Variants in EPHA3 observed in about 807,000 individuals in gnomAD.
EPHA3 encodes the protein EPH receptor A3, also known as ephrin type-A receptor 3.
Under a neutral mutation model 107.1 loss-of-function variants are expected in EPHA3, and 42 were observed. That is an observed-to-expected ratio of 0.39 (90% CI 0.31 to 0.51). EPHA3 has a LOEUF of 0.51. EPHA3 is among the 20% of genes least tolerant of loss of function. The pLI, the probability that EPHA3 is intolerant of heterozygous loss-of-function variation, is 0.78. For missense variants in EPHA3, 1,183 were observed against 1,211.2 expected, an observed-to-expected ratio of 0.98 and a Z score of 0.35; for synonymous variants, 461 against 424.8, an observed-to-expected ratio of 1.09 and a Z score of -1.05.
intron 1 of EPHA3, among the ~76,000 whole-genome samples, chr3:89,109,449 C>T (rs1707048924): frequency 6.6e-6 from 1 of 151,668 alleles, no homozygotes; most frequent in South Asian, 2.1e-4. Flanking sequence ...ATTAAAATTC[C>T]CACATTGTCA....
intron 3 of EPHA3, among the ~76,000 whole-genome samples, chr3:89,310,485 A>G (rs1330718528): frequency 2.0e-5 from 3 of 152,042 alleles, no homozygotes; most frequent in African/African-American, 2.4e-5. Context: ...TCTAATTTAA[A>G]TTATGTTAAC....
At chr3:89,173,554 T>C (rs1449779194) in intron 2 of EPHA3, among the ~76,000 whole-genome samples, 1 of 152,084 alleles carries the variant, frequency 6.6e-6, no homozygotes, top group Non-Finnish European at 1.5e-5. Flanking sequence ...ACAATGTGTA[T>C]ACTTATTATT....
chr3:89,468,474 T>G (rs995249432), intron 15 of EPHA3, among the ~76,000 whole-genome samples: 3 of 152,152 alleles, frequency 2.0e-5, no homozygotes, highest in Non-Finnish European at 4.4e-5. Flanking sequence ...GCACACTTCA[T>G]AAATATTCTG....
At chr3:89,405,265 G>T (rs1709034795) in intron 7 of EPHA3, among the ~76,000 whole-genome samples, 1 of 152,136 alleles carries the variant, frequency 6.6e-6, no homozygotes, top group Admixed American at 6.5e-5. Flanking sequence ...CCCATTTGAG[G>T]AGTGTTGCAT....
rs747296143 is a variant in EPHA3, at chr3:89,209,952, G to A, written c.246G>A (p.Leu82=). ...NVMDHSQNNW[L]RTNWVPRNSA... ...TGGACCACAGTCAAAACAATTGGCT[G>A]AGAACAAACTGGGTCCCCAGGAACT... is the stretch of plus-strand genomic sequence containing the variant. Residue 82 remains leucine (L), a synonymous_variant, in exon 3 of 17, where the codon CTG becomes CTA. Coordinates refer to ENST00000336596, the MANE Select transcript of EPHA3 (RefSeq NM_005233.6). The A allele has an allele frequency of 3.1e-6, 5 of 1,613,910 alleles. No individual in the cohort carries two copies. The South Asian group carries it at 4.4e-5, about 14-fold the overall frequency.
intron 15 of EPHA3, among the ~76,000 whole-genome samples, chr3:89,467,797 A>T (rs1311776362): frequency 6.6e-6 from 1 of 152,234 alleles, no homozygotes; most frequent in African/African-American, 2.4e-5. Flanking sequence ...CTGAGCAAAT[A>T]TGTAATTTCC....
intron 2 of EPHA3, among the ~76,000 whole-genome samples, chr3:89,187,828 C>T (rs1043144631): frequency 6.6e-6 from 1 of 152,032 alleles, no homozygotes; most frequent in South Asian, 2.1e-4. Context: ...TCAGAGGCTG[C>T]GCTGGGCTTG....
chr3:89,479,315 C>T (rs1710580302), intron 16 of EPHA3, 82 bp from the exon 17 acceptor site: 4 of 1,070,448 alleles, frequency 3.7e-6, no homozygotes, highest in Admixed American at 3.8e-5. Flanking sequence ...AATATAACAT[C>T]GTGCAAATTG....
At chr3:89,371,365 C>T (rs960556056) in intron 5 of EPHA3, among the ~76,000 whole-genome samples, 5 of 151,612 alleles carry the variant, frequency 3.3e-5, no homozygotes, top group Non-Finnish European at 5.9e-5. Context: ...AATGAACATG[C>T]CCTTAACTAT....
chr3:89,328,314 A>C (rs1475967006), intron 3 of EPHA3, among the ~76,000 whole-genome samples: 5 of 152,106 alleles, frequency 3.3e-5, no homozygotes, highest in African/African-American at 1.2e-4. Context: ...CCACAAAATA[A>C]TTCAGCCCAC....
intron 5 of EPHA3, among the ~76,000 whole-genome samples, chr3:89,353,796 T>C (rs1707885453): frequency 6.6e-6 from 1 of 151,276 alleles, no homozygotes; most frequent in African/African-American, 2.4e-5. Context: ...TATATGAGCT[T>C]AGAGGCCATA....
intron 5 of EPHA3, among the ~76,000 whole-genome samples, chr3:89,358,587 A>G (rs1169234168): frequency 6.6e-6 from 1 of 151,218 alleles, no homozygotes; most frequent in Non-Finnish European, 1.5e-5. Flanking sequence ...TGGTTTGGCC[A>G]AGAAAAGACA....
At chr3:89,302,966 C>G (rs1706526124) in intron 3 of EPHA3, among the ~76,000 whole-genome samples, 1 of 152,070 alleles carries the variant, frequency 6.6e-6, no homozygotes, top group Non-Finnish European at 1.5e-5. Context: ...AATCAGGGCT[C>G]ACAGCAACCT....
intron 3 of EPHA3, among the ~76,000 whole-genome samples, chr3:89,307,062 GTTA>G (rs1706641358): frequency 6.6e-6 from 1 of 152,110 alleles, no homozygotes; most frequent in South Asian, 2.1e-4. Flanking sequence ...AATGATATAA[GTTA>G]TTACTTTTTG....
rs1708868459 is a variant in EPHA3, at chr3:89,397,267, T to A, written c.1431+1306T>A. Among the ~76,000 whole-genome samples, 3 of 152,174 alleles carry A rather than the reference T, an allele frequency of 2.0e-5. No individual in the cohort carries two copies. In the South Asian group the frequency reaches 6.2e-4, roughly 31 times the overall value. ...TTCAAAAATTGTAGTAGAAATAAAT[T>A]TTCTCCTAGCTTTGAGTCCTCTACT... On this transcript the variant is annotated intron_variant, in intron 6 of 16. Coordinates refer to ENST00000336596, the MANE Select transcript of EPHA3 (RefSeq NM_005233.6).
At chr3:89,302,331 C>G (rs1260103455) in intron 3 of EPHA3, among the ~76,000 whole-genome samples, 1 of 152,074 alleles carries the variant, frequency 6.6e-6, no homozygotes, top group Non-Finnish European at 1.5e-5. Flanking sequence ...TCATTCATAA[C>G]CTTTTTTTGT....
chr3:89,397,633 G>C (rs1708877744), intron 6 of EPHA3, among the ~76,000 whole-genome samples: 1 of 150,224 alleles, frequency 6.7e-6, no homozygotes, highest in Non-Finnish European at 1.5e-5. Context: ...GCCCAGGCTG[G>C]AGTGCAATGG....
intron 11 of EPHA3, among the ~76,000 whole-genome samples, chr3:89,426,718 T>A (rs966392957): frequency 6.6e-6 from 1 of 151,858 alleles, no homozygotes; most frequent in Non-Finnish European, 1.5e-5. Context: ...AACTGGCCAA[T>A]GATATTGAGA....
At chr3:89,273,736 G>A (rs985475931) in intron 3 of EPHA3, among the ~76,000 whole-genome samples, 53 of 89,680 alleles carry the variant, frequency 5.9e-4, no homozygotes, top group East Asian at 5.3e-3. Context: ...GTATGTTTCT[G>A]TTTTAAGGCA....
Sources: gnomAD v4.1 joint callset for allele counts (sites outside exome capture counted in the v4.1 genomes callset) on GRCh38, gnomAD v4.1.1 for gene constraint, MANE v1.5 for transcripts, NCBI Gene and HGNC (gene_info 2026-07-23, HGNC 2026-07-21) for gene names.